The following ZNF175 variants were observed in gnomAD, a reference collection of about 807,000 sequenced individuals.
ZNF175 encodes zinc finger protein 175, also known as zinc finger protein OTK18.
ZNF175 carries 8 observed loss-of-function variants against 14.0 expected under a neutral mutation model. The observed-to-expected ratio is 0.57, with a 90% CI of 0.34 to 1.03. The LOEUF is 1.03. Among genes scored for constraint, ZNF175 ranks in the 50% least tolerant of loss-of-function variants. The probability of loss-of-function intolerance (pLI) is 0.03; values close to 1 mark genes in which losing one functional copy is unlikely to be tolerated. For missense variants in ZNF175, 764 were observed against 849.5 expected (o/e 0.90, Z 1.25); for synonymous variants, 255 against 296.8 (o/e 0.86, Z 1.45).
chr19:51,583,137 G>C (rs1338925517), intron 4 of ZNF175, among the ~76,000 whole-genome samples: 1 of 152,204 alleles, frequency 6.6e-6, no homozygotes, highest in African/African-American at 2.4e-5. Flanking sequence ...TTACAGGCGT[G>C]AGCCACCGTG....
intron 2 of ZNF175, among the ~76,000 whole-genome samples, chr19:51,577,089 G>T (rs1981815933): frequency 6.6e-6 from 1 of 152,020 alleles, no homozygotes; most frequent in Admixed American, 6.6e-5. Flanking sequence ...ACATATATGA[G>T]CATGACATGA....
chr19:51,588,211 A>T lies in ZNF175; in HGVS notation c.1880A>T (p.Lys627Ile), dbSNP rs1269511554. ...CYKCGKAFVQ[K>I]SELITHQRTH... ...AAATGTGGGAAGGCTTTTGTCCAGAAATCAGAGTTGATTACCCATCAAAGA... is the reference window on the plus strand; with the variant it reads ...AAATGTGGGAAGGCTTTTGTCCAGATATCAGAGTTGATTACCCATCAAAGA... Residue 627 changes from lysine (K) to isoleucine (I), a missense_variant, in exon 5 of 5, where the codon AAA (lysine) becomes ATA (isoleucine). Physicochemically the swap from Lys to Ile is moderately radical, Grantham distance 102. Transcript: ENST00000262259. 1.9e-5 allele frequency: 30 copies of T among 1,614,072 alleles called. No individual in the cohort carries two copies. The highest frequency in any genetic ancestry group is 2.5e-5 in the Non-Finnish European group (30 of 1,180,032).
At chr19:51,573,106 A>T (rs534535898) in intron 1 of ZNF175, 44 bp from the exon 2 acceptor site, 2 of 523,018 alleles carry the variant, frequency 3.8e-6, no homozygotes, top group Admixed American at 4.1e-5. Flanking sequence ...ATATTTGTGG[A>T]GTGAATGTTG....
chr19:51,589,307 G>T lies in ZNF175; in HGVS notation c.*840G>T, dbSNP rs1489875500. 1 of 546,140 alleles carries T rather than the reference G, an allele frequency of 1.8e-6. No homozygotes were observed. The highest frequency in any genetic ancestry group is 3.2e-6 in the Non-Finnish European group (1 of 308,844). 33.8% of individuals were successfully genotyped at this position (546,140 alleles called of 1,614,324 possible). Reference sequence around the variant, plus strand: ...GTATGTATGCCCTCAGTGCAGTGGGGTTTGCTGCAGAATTCACTGCATAGC... The same window carrying T: ...GTATGTATGCCCTCAGTGCAGTGGGTTTTGCTGCAGAATTCACTGCATAGC... On this transcript the variant is annotated 3_prime_UTR_variant, in exon 5 of 5. Coordinates refer to ENST00000262259, the MANE Select transcript of ZNF175 (RefSeq NM_007147.4).
intron 2 of ZNF175, among the ~76,000 whole-genome samples, chr19:51,576,697 G>A (rs754633426): frequency 6.6e-6 from 1 of 152,220 alleles, no homozygotes; most frequent in Non-Finnish European, 1.5e-5. Flanking sequence ...TTCTCCTGGC[G>A]CCTCACGCTG....
intron 4 of ZNF175, among the ~76,000 whole-genome samples, chr19:51,584,421 T>G (rs999950706): frequency 6.6e-6 from 1 of 152,202 alleles, no homozygotes; most frequent in African/African-American, 2.4e-5. Context: ...TAGGCTGTGT[T>G]GGAGAGTTGT....
Position 51,588,931 on chromosome 19 carries a change from C to T in ZNF175, c.*464C>T, listed in dbSNP as rs1982267215. 1 of 382,206 alleles carries T rather than the reference C, an allele frequency of 2.6e-6. No individual in the cohort carries two copies. Among genetic ancestry groups the T allele is most frequent in the African/African-American group, 2.1e-5 (1 of 48,140 alleles). The allele number at this position is 382,206 out of a possible 1,614,324, so 23.7% of individuals were successfully genotyped here. On this transcript the variant is annotated 3_prime_UTR_variant, in exon 5 of 5. Transcript: ENST00000262259. ...TGTGTGTGCGCCTTATGTATATAAG[C>T]ATATATATAATATATAAGCATATTA...
At position 51,587,588 on chromosome 19, in the gene ZNF175, T is replaced by A. The variant is rs1444144152; in HGVS notation, c.1257T>A (p.Tyr419Ter). The A allele has an allele frequency of 6.2e-7, 1 of 1,614,176 alleles. No homozygotes were observed. The highest frequency in any genetic ancestry group is 1.6e-4 in the Middle Eastern group (1 of 6,062). ...AAATTCATACTGGTGAGAGACAGTA[T>A]GCATGCAGTGAATGTGGGAAAGCCT... ...HQKIHTGERQ[Y>*]ACSECGKAFT... is the part of the protein sequence containing the mutation. Residue 419 changes from tyrosine (Y) to a stop codon, truncating the protein, a stop_gained, in exon 5 of 5, where the codon TAT (tyrosine) becomes TAA (stop). Transcript: ENST00000262259. LOFTEE classifies it low-confidence loss of function (END_TRUNC).
At chr19:51,586,332 T>C in intron 4 of ZNF175, among the ~76,000 whole-genome samples, 1 of 152,210 alleles carries the variant, frequency 6.6e-6, no homozygotes, top group East Asian at 1.9e-4. Context: ...AACCATTATG[T>C]GCTTCCTTTT....
chr19:51,583,250 C>T (rs1982070990), intron 4 of ZNF175, among the ~76,000 whole-genome samples: 1 of 152,144 alleles, frequency 6.6e-6, no homozygotes, highest in Admixed American at 6.5e-5. Flanking sequence ...TATATCAGTA[C>T]CTCTAGTCCC....
At chr19:51,582,548 C>T (rs1157616909) in intron 4 of ZNF175, among the ~76,000 whole-genome samples, 1 of 152,176 alleles carries the variant, frequency 6.6e-6, no homozygotes, top group Non-Finnish European at 1.5e-5. Flanking sequence ...CTGCCCACCT[C>T]GGCCTCCCAA....
intron 4 of ZNF175, among the ~76,000 whole-genome samples, chr19:51,585,064 A>G (rs1982123037): frequency 6.6e-6 from 1 of 152,222 alleles, no homozygotes; most frequent in African/African-American, 2.4e-5. Context: ...ACAATATCCA[A>G]AAAGTGGAAT....
intron 2 of ZNF175, 172 bp from the exon 3 acceptor site, chr19:51,581,219 G>A (rs1193636809): frequency 2.2e-6 from 2 of 927,696 alleles, no homozygotes; most frequent in Non-Finnish European, 3.2e-6. Context: ...GTGGATGGAG[G>A]ATATTTCTCT....
Position 51,588,910 on chromosome 19 carries a change from T to G in ZNF175, c.*443T>G, listed in dbSNP as rs542466620. 2 of 396,808 alleles carry G rather than the reference T, an allele frequency of 5.0e-6. No individual in the cohort carries two copies. The highest frequency in any genetic ancestry group is 7.2e-5 in the East Asian group (2 of 27,800). The allele number at this position is 396,808 out of a possible 1,614,324, so 24.6% of individuals were successfully genotyped here. On this transcript the variant is annotated 3_prime_UTR_variant, in exon 5 of 5. Transcript: ENST00000262259. ...GATAGGACAATATTTTATGTGTGTG[T>G]GTGCGCCTTATGTATATAAGCATAT...
At chr19:51,581,591 A>G in intron 3 of ZNF175, 74 bp downstream of exon 3, 1 of 1,559,744 alleles carries the variant, frequency 6.4e-7, no homozygotes, top group East Asian at 2.3e-5. Context: ...TGCAGAACGC[A>G]GTGGGATATC....
In ZNF175 at chr19:51,591,784, T is replaced by G. The variant is rs1982351699; in HGVS notation, c.*3317T>G. 1 of 149,500 alleles carries G rather than the reference T, an allele frequency of 6.7e-6. No individual in the cohort carries two copies. The highest frequency in any genetic ancestry group is 2.5e-5 in the African/African-American group (1 of 40,528). The allele number at this position is 149,500 out of a possible 1,614,324, so 9.3% of individuals were successfully genotyped here. On this transcript the variant is annotated 3_prime_UTR_variant, in exon 5 of 5. Coordinates refer to ENST00000262259, the MANE Select transcript of ZNF175 (RefSeq NM_007147.4). ...CATGACCTTTTTTTTTTTTTTCTTG[T>G]GAGATGGAGTCTCGCTCTGTCGCCC...
At chr19:51,579,496 T>C (rs1360637493) in intron 2 of ZNF175, among the ~76,000 whole-genome samples, 1 of 152,062 alleles carries the variant, frequency 6.6e-6, no homozygotes, top group Non-Finnish European at 1.5e-5. Context: ...CTTGCTTGAA[T>C]AGGCTGGTAA....
At chr19:51,586,268 G>A (rs1982159412) in intron 4 of ZNF175, among the ~76,000 whole-genome samples, 2 of 152,110 alleles carry the variant, frequency 1.3e-5, no homozygotes, top group African/African-American at 4.8e-5. Context: ...AGTGTCCTCA[G>A]GTTGTTGAAA....
At position 51,586,932 on chromosome 19, in the gene ZNF175, T is replaced by C. The variant is rs1982184502; in HGVS notation, c.601T>C (p.Phe201Leu). 4.3e-6 allele frequency: 7 copies of C among 1,614,162 alleles called. No individual in the cohort carries two copies. The highest frequency in any genetic ancestry group is 1.7e-5 in the Admixed American group (1 of 60,022). The change falls in exon 5 of 5, where the codon TTT (phenylalanine) becomes CTT (leucine). Residue 201 changes from phenylalanine (F) to leucine (L), a missense_variant. Coordinates refer to ENST00000262259, the MANE Select transcript of ZNF175 (RefSeq NM_007147.4). ...SQKQPQKCCLFTESLKLNLEV... is the reference protein window; with the variant it reads ...SQKQPQKCCLLTESLKLNLEV... ...GAAACAACCTCAGAAATGTTGCTTA[T>C]TTACAGAAAGTTTGAAGCTGAACCT... is the stretch of plus-strand genomic sequence containing the variant.
Sources: gnomAD v4.1 joint callset for allele counts (sites outside exome capture counted in the v4.1 genomes callset) on GRCh38, gnomAD v4.1.1 for gene constraint, MANE v1.5 for transcripts, NCBI Gene and HGNC (gene_info 2026-07-23, HGNC 2026-07-21) for gene names.